Variants in KCNIP4 observed in about 807,000 individuals in gnomAD.
KCNIP4 encodes the protein potassium voltage-gated channel interacting protein 4, also known as Kv channel-interacting protein 4.
A neutral mutation model predicts 34.0 loss-of-function variants in KCNIP4; 12 were observed. That is an observed-to-expected ratio of 0.35 (90% CI 0.23 to 0.57). KCNIP4 has a LOEUF of 0.57. KCNIP4 is among the 20% of genes least tolerant of loss of function. The pLI, the probability that KCNIP4 is intolerant of heterozygous loss-of-function variation, is 0.83. For synonymous variants in KCNIP4, 124 were observed against 102.2 expected (o/e 1.21, Z -1.29); for missense variants, 238 against 311.7 (o/e 0.76, Z 1.78).
At chr4:21,693,959 T>C (rs1053623293) in intron 1 of KCNIP4, among the ~76,000 whole-genome samples, 1 of 152,138 alleles carries the variant, frequency 6.6e-6, no homozygotes, top group Non-Finnish European at 1.5e-5. Context: ...CACACGTATA[T>C]TTGGGGAATT....
At chr4:21,925,077 CTTTT>C (rs576336401) in intron 1 of KCNIP4, among the ~76,000 whole-genome samples, 95 of 151,826 alleles carry the variant, frequency 6.3e-4, no homozygotes, top group African/African-American at 2.0e-3. Flanking sequence ...TCATTTTTTT[CTTTT>C]TTTTATTTTA....
intron 1 of KCNIP4, among the ~76,000 whole-genome samples, chr4:20,890,276 G>A (rs542784368): frequency 6.6e-6 from 1 of 152,126 alleles, no homozygotes; most frequent in African/African-American, 2.4e-5. Flanking sequence ...TAAATAGCAA[G>A]TTATAAAGTA....
intron 1 of KCNIP4, among the ~76,000 whole-genome samples, chr4:21,152,584 AGTTT>A (rs1430493842): frequency 6.6e-5 from 10 of 150,814 alleles, no homozygotes; most frequent in Non-Finnish European, 1.0e-4. Flanking sequence ...GCTTGTCTGC[AGTTT>A]GTTTGTTTTT....
At chr4:21,916,242 A>G (rs1728623670) in intron 1 of KCNIP4, among the ~76,000 whole-genome samples, 1 of 152,206 alleles carries the variant, frequency 6.6e-6, no homozygotes, top group Non-Finnish European at 1.5e-5. Flanking sequence ...GTCCTGTGTG[A>G]CGTAGAATTT....
At chr4:20,891,530 G>C (rs1046913532) in intron 1 of KCNIP4, among the ~76,000 whole-genome samples, 2 of 152,060 alleles carry the variant, frequency 1.3e-5, no homozygotes, top group South Asian at 2.1e-4. Flanking sequence ...ACTTGAACCC[G>C]GGAGGCAGAG....
intron 1 of KCNIP4, among the ~76,000 whole-genome samples, chr4:21,864,210 G>A (rs570730205): frequency 7.9e-5 from 12 of 152,198 alleles, no homozygotes; most frequent in East Asian, 1.9e-4. Flanking sequence ...TTTTTGCTGC[G>A]TCTTAGTTAA....
At chr4:21,121,683 GAAGT>G (rs1750171579) in intron 1 of KCNIP4, among the ~76,000 whole-genome samples, 1 of 152,184 alleles carries the variant, frequency 6.6e-6, no homozygotes, top group Admixed American at 6.5e-5. Flanking sequence ...ATGTAAAGGA[GAAGT>G]AAGTGAGATA....
intron 3 of KCNIP4, among the ~76,000 whole-genome samples, chr4:20,760,211 C>T (rs1169311189): frequency 6.6e-6 from 1 of 152,056 alleles, no homozygotes; most frequent in Non-Finnish European, 1.5e-5. Flanking sequence ...TCAGAGCTCC[C>T]CTGACTCTAG....
At chr4:21,473,799 T>A (rs535033005) in intron 1 of KCNIP4, among the ~76,000 whole-genome samples, 5 of 151,714 alleles carry the variant, frequency 3.3e-5, no homozygotes, top group Admixed American at 1.3e-4. Context: ...CTGGAACTTA[T>A]GACTCCTGGG....
chr4:21,359,775 T>A (rs966784524), intron 1 of KCNIP4, among the ~76,000 whole-genome samples: 1 of 152,072 alleles, frequency 6.6e-6, no homozygotes, highest in Non-Finnish European at 1.5e-5. Context: ...TGAAATAGTG[T>A]TCTTGGCAAT....
intron 1 of KCNIP4, among the ~76,000 whole-genome samples, chr4:21,694,048 C>A (rs1452190698): frequency 6.6e-6 from 1 of 152,128 alleles, no homozygotes. Flanking sequence ...GTCAAAACAA[C>A]CTTCAAATAA....
chr4:21,417,786 T>C (rs1257678331), intron 1 of KCNIP4, among the ~76,000 whole-genome samples: 4 of 152,130 alleles, frequency 2.6e-5, no homozygotes, highest in Non-Finnish European at 5.9e-5. Flanking sequence ...TATAGAACAA[T>C]AAAGAATTCC....
At chr4:21,089,343 A>C (rs942291853) in intron 1 of KCNIP4, among the ~76,000 whole-genome samples, 1 of 152,010 alleles carries the variant, frequency 6.6e-6, no homozygotes, top group African/African-American at 2.4e-5. Context: ...CTTCTCTTGC[A>C]CCTTCCACCA....
At chr4:20,899,871 C>T (rs1218616443) in intron 1 of KCNIP4, among the ~76,000 whole-genome samples, 1 of 152,044 alleles carries the variant, frequency 6.6e-6, no homozygotes, top group Non-Finnish European at 1.5e-5. Context: ...GAACATGATC[C>T]CTGTGTAATT....
chr4:21,151,526 C>G (rs564638050), intron 1 of KCNIP4, among the ~76,000 whole-genome samples: 4 of 144,058 alleles, frequency 2.8e-5, no homozygotes, highest in Admixed American at 7.4e-5. Context: ...GCTGTCTTCT[C>G]TCTGTGTCCT....
At chr4:21,745,558 G>A (rs533110666) in intron 1 of KCNIP4, among the ~76,000 whole-genome samples, 13 of 152,166 alleles carry the variant, frequency 8.5e-5, no homozygotes, top group Admixed American at 7.2e-4. Context: ...ACTTTTGTGA[G>A]TCTGTACTCT....
At chr4:21,028,207 C>G (rs1740716009) in intron 1 of KCNIP4, among the ~76,000 whole-genome samples, 1 of 152,116 alleles carries the variant, frequency 6.6e-6, no homozygotes, top group Admixed American at 6.5e-5. Flanking sequence ...GAGATGTCAT[C>G]TTTCCTAGGC....
chr4:21,039,679 G>C (rs1741780326), intron 1 of KCNIP4, among the ~76,000 whole-genome samples: 1 of 152,120 alleles, frequency 6.6e-6, no homozygotes, highest in African/African-American at 2.4e-5. Context: ...GCTCTTACTT[G>C]TTTATGTAAC....
At chr4:21,655,517 T>G (rs1249902917) in intron 1 of KCNIP4, among the ~76,000 whole-genome samples, 1 of 152,214 alleles carries the variant, frequency 6.6e-6, no homozygotes, top group Non-Finnish European at 1.5e-5. Flanking sequence ...TAGAGTATAT[T>G]TGTGATAAAA....
Sources: gnomAD v4.1 joint callset for allele counts (sites outside exome capture counted in the v4.1 genomes callset) on GRCh38, gnomAD v4.1.1 for gene constraint, MANE v1.5 for transcripts, NCBI Gene and HGNC (gene_info 2026-07-23, HGNC 2026-07-21) for gene names.